Variants in AIG1 observed in about 807,000 individuals in gnomAD.
AIG1 encodes androgen-induced gene 1 protein.
In AIG1, 23 loss-of-function variants were observed where a neutral mutation model predicts 31.4. The observed-to-expected ratio is 0.73, with a 90% CI of 0.53 to 1.04. The LOEUF is 1.04. Among genes scored for constraint, AIG1 ranks in the 50% least tolerant of loss-of-function variants. The probability of loss-of-function intolerance (pLI) is 0.00; values close to 1 mark genes in which losing one functional copy is unlikely to be tolerated. For missense variants in AIG1, 274 were observed against 295.0 expected (o/e 0.93, Z 0.52); for synonymous variants, 100 against 110.5 (o/e 0.90, Z 0.60).
intron 3 of AIG1, chr6:143,190,038 CTT>C (rs544102444): frequency 3.1e-4 from 163 of 519,280 alleles, no homozygotes; most frequent in Non-Finnish European, 3.9e-4. Flanking sequence ...TCTGGAGCCT[CTT>C]TTAAAAGCCC....
In AIG1 at chr6:143,328,233, A is replaced by G. The variant is rs990233240; in HGVS notation, c.516-5049A>G. On this transcript the variant is annotated intron_variant, in intron 4 of 5. Transcript: ENST00000357847. The surrounding 1 kb of genome is among the most constrained non-coding windows in gnomAD (Gnocchi z 4.0). The stretch of plus-strand genomic sequence containing the variant: ...TGCCAGACTGCTGTGGGTGAAAGTG[A>G]GTACAATGTACAGATATGGTGTCAG... Among the ~76,000 whole-genome samples the G allele has an allele frequency of 6.6e-6, 1 of 152,194 alleles. No homozygotes were observed. The highest frequency in any genetic ancestry group is 1.5e-5 in the Non-Finnish European group (1 of 68,032).
At position 143,332,988 on chromosome 6, in the gene AIG1, A is replaced by G. The variant is rs544924069; in HGVS notation, c.516-294A>G. Among the ~76,000 whole-genome samples the G allele has an allele frequency of 6.6e-5, 10 of 152,322 alleles. 1 individual carries two copies. The South Asian group carries it at 1.9e-3, about 28-fold the overall frequency. On this transcript the variant is annotated intron_variant, in intron 4 of 5. Coordinates refer to ENST00000357847, the MANE Select transcript of AIG1 (RefSeq NM_016108.4). ...CCTATAATTTAGTACTGTCATATCA[A>G]TGTTAATTTTTTAATTTTAGTCAAT...
intron 3 of AIG1, among the ~76,000 whole-genome samples, chr6:143,166,144 C>G (rs1420757406): frequency 1.3e-5 from 2 of 152,130 alleles, no homozygotes; most frequent in African/African-American, 4.8e-5. Context: ...CATCACTGTA[C>G]TGAAGGGTTT....
At position 143,258,891 on chromosome 6, in the gene AIG1, A is replaced by G. The variant is rs1290145119; in HGVS notation, c.400-25219A>G. Among the ~76,000 whole-genome samples, 1 of 152,168 alleles carries G rather than the reference A, an allele frequency of 6.6e-6. No individual in the cohort carries two copies. The highest frequency in any genetic ancestry group is 1.5e-5 in the Non-Finnish European group (1 of 68,028). The stretch of plus-strand genomic sequence containing the variant: ...GCAGGAATGGATTAGTTACCATGAG[A>G]GCAGTCAGACTCTTTTTAACAATCT... On this transcript the variant is annotated intron_variant, in intron 3 of 5. Transcript: ENST00000357847. This position sits in a 1 kb window ranked among gnomAD's most constrained non-coding sequence, Gnocchi z 4.7.
chr6:143,131,042 T>C (rs1294013643), intron 1 of AIG1, among the ~76,000 whole-genome samples: 1 of 152,242 alleles, frequency 6.6e-6, no homozygotes, highest in South Asian at 2.1e-4. Flanking sequence ...TCATTTACTT[T>C]TAACCAACGT....
At chr6:143,182,122 C>A (rs1441561136) in intron 3 of AIG1, among the ~76,000 whole-genome samples, 2 of 152,060 alleles carry the variant, frequency 1.3e-5, no homozygotes, top group African/African-American at 4.8e-5. Flanking sequence ...AACTCTTAGT[C>A]TTAAGGGATC....
intron 4 of AIG1, among the ~76,000 whole-genome samples, chr6:143,317,898 C>G (rs9390081): frequency 1.3e-5 from 2 of 151,802 alleles, no homozygotes; most frequent in African/African-American, 4.8e-5. Flanking sequence ...TTTACAGTAG[C>G]TGCAAAAAAT....
At chr6:143,169,808 T>C (rs1347645236) in intron 3 of AIG1, among the ~76,000 whole-genome samples, 6 of 152,184 alleles carry the variant, frequency 3.9e-5, no homozygotes, top group African/African-American at 9.6e-5. Flanking sequence ...AGAGTTGTTA[T>C]TGTAAATGAT....
intron 1 of AIG1, among the ~76,000 whole-genome samples, chr6:143,098,779 T>C (rs1780010489): frequency 6.6e-6 from 1 of 152,208 alleles, no homozygotes; most frequent in South Asian, 2.1e-4. Context: ...CCGGGGTATG[T>C]TGTTCTTATG....
intron 3 of AIG1, among the ~76,000 whole-genome samples, chr6:143,283,075 A>T (rs1038593783): frequency 9.9e-5 from 15 of 152,158 alleles, no homozygotes; most frequent in Non-Finnish European, 1.8e-4. Flanking sequence ...TTGGAAGGTA[A>T]ATATATATCC....
chr6:143,276,020 C>T (rs1796870736), intron 3 of AIG1, among the ~76,000 whole-genome samples: 1 of 152,214 alleles, frequency 6.6e-6, no homozygotes, highest in Non-Finnish European at 1.5e-5. Context: ...ACACACCGCA[C>T]TGCAGCCTCC....
chr6:143,343,695 A>ATGTG (rs149239062), downstream of AIG1, among the ~76,000 whole-genome samples: 3 of 151,582 alleles, frequency 2.0e-5, no homozygotes, highest in Non-Finnish European at 4.4e-5. Context: ...GTGTTTGTGT[A>ATGTG]TGTGTGTGTG....
At chr6:143,077,825 C>T (rs1311296942) in intron 1 of AIG1, among the ~76,000 whole-genome samples, 1 of 152,210 alleles carries the variant, frequency 6.6e-6, no homozygotes, top group East Asian at 1.9e-4. Flanking sequence ...TAAAATTCCA[C>T]TTTACATCCA....
chr6:143,198,178 A>G (rs1421682046), intron 3 of AIG1, among the ~76,000 whole-genome samples: 2 of 152,206 alleles, frequency 1.3e-5, no homozygotes, highest in African/African-American at 2.4e-5. Flanking sequence ...ACTCTCTATA[A>G]TTGATCTTCT....
intron 3 of AIG1, among the ~76,000 whole-genome samples, chr6:143,229,926 G>A (rs557670779): frequency 2.0e-5 from 3 of 152,064 alleles, no homozygotes; most frequent in East Asian, 3.9e-4. Flanking sequence ...CATCAGATTC[G>A]ATGGGACATT....
At chr6:143,146,005 T>C (rs1159595607) in intron 2 of AIG1, among the ~76,000 whole-genome samples, 1 of 152,188 alleles carries the variant, frequency 6.6e-6, no homozygotes, top group African/African-American at 2.4e-5. Flanking sequence ...AAGAAAGATT[T>C]CTTACACATT....
rs1455220689 is a variant in AIG1 at position 143,325,571 on chromosome 6, C to T, written c.516-7711C>T. Among the ~76,000 whole-genome samples the T allele has an allele frequency of 1.3e-5, 2 of 152,200 alleles. No individual in the cohort carries two copies. The highest frequency in any genetic ancestry group is 6.5e-5 in the Admixed American group (1 of 15,272). On this transcript the variant is annotated intron_variant, in intron 4 of 5. Transcript: ENST00000357847. The surrounding 1 kb of genome is among the most constrained non-coding windows in gnomAD (Gnocchi z 4.3). Reference sequence around the variant, plus strand: ...CTCTCTCAGGAAATGGCAGCTGTTTCCACCCTGCTAATCAAGCCAGGAATC... The same window carrying T: ...CTCTCTCAGGAAATGGCAGCTGTTTTCACCCTGCTAATCAAGCCAGGAATC...
chr6:143,164,820 AG>A (rs1232679502), intron 2 of AIG1: 2 of 320,594 alleles, frequency 6.2e-6, no homozygotes. Flanking sequence ...ACACGAAAAC[AG>A]GCCTCTTCTC....
At chr6:143,120,118 G>C (rs542602291) in intron 1 of AIG1, among the ~76,000 whole-genome samples, 1 of 152,092 alleles carries the variant, frequency 6.6e-6, no homozygotes, top group Non-Finnish European at 1.5e-5. Flanking sequence ...ATTTTTAGCA[G>C]AGATGGGGTC....
Sources: gnomAD v4.1 joint callset for allele counts (sites outside exome capture counted in the v4.1 genomes callset) on GRCh38, gnomAD v4.1.1 for gene constraint, Gnocchi (gnomAD v3.1) non-coding constraint, MANE v1.5 for transcripts, NCBI Gene and HGNC (gene_info 2026-07-23, HGNC 2026-07-21) for gene names.